Variants in LRRCC1 observed in about 807,000 individuals in gnomAD.
LRRCC1 encodes the protein leucine-rich repeat and coiled-coil domain-containing protein 1.
Under a neutral mutation model 126.0 loss-of-function variants are expected in LRRCC1, and 115 were observed. The ratio of observed to expected loss-of-function variants is 0.91; its 90% CI spans 0.78 to 1.07. The LOEUF is 1.07. Among genes scored for constraint, LRRCC1 ranks in the 50% least tolerant of loss-of-function variants. The probability of loss-of-function intolerance (pLI) is 0.00; values close to 1 mark genes in which losing one functional copy is unlikely to be tolerated. For synonymous variants in LRRCC1, 400 were observed against 393.4 expected, an observed-to-expected ratio of 1.02 and a Z score of -0.20; for missense variants, 1,172 against 1,175.7, an observed-to-expected ratio of 1.00 and a Z score of 0.05.
Position 85,107,382 on chromosome 8 carries a change from G to A in LRRCC1, c.87G>A (p.Met29Ile). The A allele has an allele frequency of 6.2e-7, 1 of 1,613,432 alleles. No individual in the cohort carries two copies. Among genetic ancestry groups the A allele is most frequent in the Non-Finnish European group, 8.5e-7 (1 of 1,179,486 alleles). ...GCAGCTGCGGGGATGTATGCTTCATGGACAAAGGCTTGCAGAGGTAAAGGG... is the reference window on the plus strand; with the variant it reads ...GCAGCTGCGGGGATGTATGCTTCATAGACAAAGGCTTGCAGAGGTAAAGGG... ...GDSSCGDVCFMDKGLQSISEL... is the reference protein window; with the variant it reads ...GDSSCGDVCFIDKGLQSISEL... The change falls in exon 1 of 19, where the codon ATG (methionine) becomes ATA (isoleucine). Residue 29 changes from methionine (M) to isoleucine (I), a missense_variant. By Grantham distance (10) the Met-to-Ile change is conservative. Transcript: ENST00000360375.
Position 85,109,739 on chromosome 8 carries a change from A to G in LRRCC1, c.249A>G (p.Leu83=). The G allele has an allele frequency of 1.9e-6, 3 of 1,603,162 alleles. No individual in the cohort carries two copies. The highest frequency in any genetic ancestry group is 2.6e-6 in the Non-Finnish European group (3 of 1,171,392). ...ATCAAATAAGTAGAATTGAAGGACT[A>G]AACACACTGACAAAACTGTGCACAT... The part of the protein sequence containing the change: ...SSNQISRIEG[L]NTLTKLCTLN... Residue 83 remains leucine (L), a synonymous_variant, in exon 2 of 19, where the codon CTA becomes CTG. Transcript: ENST00000360375.
intron 6 of LRRCC1, among the ~76,000 whole-genome samples, chr8:85,116,378 A>AT (rs553696146): frequency 2.4e-4 from 36 of 146,962 alleles, no homozygotes; most frequent in East Asian, 7.9e-4. Flanking sequence ...ATTGTTACTA[A>AT]TTTTTTTTTT....
intron 17 of LRRCC1, among the ~76,000 whole-genome samples, chr8:85,139,491 C>G (rs367941715): frequency 8.5e-5 from 13 of 152,280 alleles, no homozygotes; most frequent in African/African-American, 1.9e-4. Context: ...GTCTCGAACT[C>G]CTGACCTCAG....
rs192911047 is a variant in LRRCC1 at position 85,110,867 on chromosome 8, G to A, written c.376+687G>A. ...TTCCTAGAATTATCTGTTAAAACTC[G>A]CAGAATTCCTCTAATATCTTCATAA... On this transcript the variant is annotated intron_variant, in intron 3 of 18. Transcript: ENST00000360375. Among the ~76,000 whole-genome samples the A allele has an allele frequency of 4.2e-3, 642 of 152,148 alleles. 1 individual carries two copies. The highest frequency in any genetic ancestry group is 3.4e-3 in the African/African-American group (143 of 41,532).
In LRRCC1 at chr8:85,112,923, C is replaced by T. The variant is rs530595060; in HGVS notation, c.377-9C>T. On this transcript the variant is annotated splice_polypyrimidine_tract_variant and intron_variant, in intron 3 of 18. Coordinates refer to ENST00000360375, the MANE Select transcript of LRRCC1 (RefSeq NM_033402.5). ...CTGTGGCATTTAAAGAATTATGTTC[C>T]TATTGCAGGATTGATTCCCCTTCAT... 5 of 1,543,252 alleles carry T rather than the reference C, an allele frequency of 3.2e-6. No individual in the cohort carries two copies. The East Asian group carries it at 6.9e-5, about 21-fold the overall frequency.
Position 85,137,626 on chromosome 8 carries a change from A to G in LRRCC1, c.2492A>G (p.Asp831Gly). 7.0e-7 allele frequency: 1 copy of G among 1,438,022 alleles called. No individual in the cohort carries two copies. The highest frequency in any genetic ancestry group is 1.7e-5 in the South Asian group (1 of 58,034). The allele number at this position is 1,438,022 out of a possible 1,614,324, so 89.1% of individuals were successfully genotyped here. The change falls in exon 15 of 19, where the codon GAT becomes GGT. Residue 831 changes from aspartate to glycine, a missense_variant and splice_region_variant. Asp to Gly is a moderately conservative substitution (Grantham distance 94). Coordinates refer to ENST00000360375, the MANE Select transcript of LRRCC1 (RefSeq NM_033402.5). ...ACTGAAACTATTAGAAAATTAAAAG[A>G]TGTAAGTTTGACATTTTATTTTGGT... Reference protein sequence around the residue: ...DQTETIRKLKDCLQEKDEHIK... With the variant: ...DQTETIRKLKGCLQEKDEHIK...
At chr8:85,129,843 G>A (rs1810311246) in intron 10 of LRRCC1, 76 bp from the exon 11 acceptor site, 1 of 1,114,986 alleles carries the variant, frequency 9.0e-7, no homozygotes, top group Non-Finnish European at 1.2e-6. Flanking sequence ...CATTTAAAAG[G>A]TACTTATGGA....
At chr8:85,132,545 ACCAC>A (rs1810561894) in intron 12 of LRRCC1, among the ~76,000 whole-genome samples, 1 of 152,014 alleles carries the variant, frequency 6.6e-6, no homozygotes, top group Admixed American at 6.6e-5. Flanking sequence ...GTCACAGGCC[ACCAC>A]GCCCGCCTAA....
rs147243588 is a variant in LRRCC1 at position 85,132,692 on chromosome 8, C to T, written c.1968+731C>T. 2.0e-3 allele frequency among the ~76,000 whole-genome samples: 303 copies of T among 152,272 alleles called. 1 individual carries two copies. Among genetic ancestry groups the T allele is most frequent in the Middle Eastern group, 6.8e-3 (2 of 294 alleles). The stretch of plus-strand genomic sequence containing the variant: ...ACAGGCGTGAGCCACTGTGCCCAGC[C>T]GTAGTTGAGTACTTTCAACAGAGTT... On this transcript the variant is annotated intron_variant, in intron 12 of 18. Transcript: ENST00000360375.
intron 6 of LRRCC1, among the ~76,000 whole-genome samples, chr8:85,120,369 G>C (rs1464003427): frequency 6.6e-6 from 1 of 152,110 alleles, no homozygotes; most frequent in African/African-American, 2.4e-5. Flanking sequence ...AATCTCTGTG[G>C]TTGTGGATTT....
At chr8:85,124,212 C>G (rs1587400292) in intron 7 of LRRCC1, among the ~76,000 whole-genome samples, 2 of 152,258 alleles carry the variant, frequency 1.3e-5, no homozygotes, top group South Asian at 2.1e-4. Flanking sequence ...TTACAGTAAA[C>G]TTTTGCCTCT....
chr8:85,145,477 C>G lies in LRRCC1; in HGVS notation c.3065C>G (p.Ala1022Gly), dbSNP rs763705609. ...KTMEAKIKQL[A>G]FALNEIQQDM ...ATGGAAGCAAAAATTAAGCAACTTG[C>G]TTTTGCTTTAAATGAAATTCAGCAA... The change falls in exon 19 of 19, where the codon GCT (alanine) becomes GGT (glycine). Residue 1022 changes from alanine (A) to glycine (G), a missense_variant. By Grantham distance (60) the Ala-to-Gly change is moderately conservative. Transcript: ENST00000360375. The G allele has an allele frequency of 6.3e-7, 1 of 1,586,972 alleles. No individual in the cohort carries two copies. Among genetic ancestry groups the G allele is most frequent in the Non-Finnish European group, 8.5e-7 (1 of 1,170,998 alleles).
chr8:85,127,585 T>C (rs187212292), intron 9 of LRRCC1, among the ~76,000 whole-genome samples: 23 of 152,316 alleles, frequency 1.5e-4, no homozygotes, highest in Admixed American at 1.5e-3. Context: ...TAATTCCCCT[T>C]CTAAAATCTG....
chr8:85,113,558 A>T (rs867392640), intron 4 of LRRCC1, among the ~76,000 whole-genome samples: 47 of 152,202 alleles, frequency 3.1e-4, no homozygotes, highest in African/African-American at 1.0e-3. Context: ...ATATATATGT[A>T]TGCACGCATG....
chr8:85,126,886 C>G, intron 9 of LRRCC1, 49 bp downstream of exon 9: 1 of 1,476,862 alleles, frequency 6.8e-7, no homozygotes, highest in Non-Finnish European at 9.1e-7. Context: ...ATAAACAATA[C>G]TGACTTTAGA....
rs758385943 is a variant in LRRCC1, at chr8:85,134,965, TAAAG to T, written c.2088_2091del (p.Lys697AsnfsTer12). ...TTAATTAAAGATCTGACCTGTATGG[TAAAG>T]GAACAAAAAACAAAACTGGCAGAAG... On this transcript the variant is annotated frameshift_variant, in exon 13 of 19. Coordinates refer to ENST00000360375, the MANE Select transcript of LRRCC1 (RefSeq NM_033402.5). LOFTEE classifies it high-confidence loss of function. 6 of 1,569,098 alleles carry T rather than the reference TAAAG, an allele frequency of 3.8e-6. No individual in the cohort carries two copies. Among genetic ancestry groups the T allele is most frequent in the African/African-American group, 1.4e-5 (1 of 72,128 alleles).
Position 85,145,500 on chromosome 8 carries a change from CA to C in LRRCC1, c.3090del (p.Asp1031IlefsTer11), listed in dbSNP as rs749511342. 1.3e-6 allele frequency: 2 copies of C among 1,583,944 alleles called. No individual in the cohort carries two copies. The highest frequency in any genetic ancestry group is 1.7e-6 in the Non-Finnish European group (2 of 1,170,518). ...TGCTTTTGCTTTAAATGAAATTCAG[CA>C]AGATATGTGATGGTTCTGAGAATGA... ...QLAFALNEIQ[Q>X]DM On this transcript the variant is annotated frameshift_variant, in exon 19 of 19. Transcript: ENST00000360375. LOFTEE classifies it high-confidence loss of function.
chr8:85,120,147 G>T, intron 6 of LRRCC1, among the ~76,000 whole-genome samples: 1 of 151,502 alleles, frequency 6.6e-6, no homozygotes, highest in Non-Finnish European at 1.5e-5. Flanking sequence ...TTATAGCCTG[G>T]CATATGGTTT....
intron 6 of LRRCC1, among the ~76,000 whole-genome samples, chr8:85,120,106 TTC>T (rs1436795650): frequency 2.6e-5 from 4 of 152,204 alleles, no homozygotes; most frequent in African/African-American, 7.2e-5. Flanking sequence ...TCTGAATAAT[TTC>T]TGTCTTTTTA....
Sources: allele counts gnomAD v4.1 joint callset (sites outside exome capture counted in the v4.1 genomes callset), GRCh38; gene constraint gnomAD v4.1.1; transcripts MANE v1.5; gene names NCBI Gene and HGNC (gene_info 2026-07-23, HGNC 2026-07-21).